TRAPPC8: variants seen among roughly 807,000 people sequenced by gnomAD.
TRAPPC8 encodes trafficking protein particle complex subunit 8.
TRAPPC8 carries 54 observed loss-of-function variants against 174.3 expected under a neutral mutation model. That is an observed-to-expected ratio of 0.31 (90% CI 0.25 to 0.39). The LOEUF is 0.39. TRAPPC8 is among the 10% of genes least tolerant of loss of function. The pLI is 1.00. For synonymous variants in TRAPPC8, 630 were observed against 579.9 expected (o/e 1.09, Z -1.24); for missense variants, 1,531 against 1,699.1 (o/e 0.90, Z 1.74).
chr18:31,880,995 A>G lies in TRAPPC8; in HGVS notation c.1729-6291T>C, dbSNP rs183138292. Among the ~76,000 whole-genome samples, 4 of 152,200 alleles carry G rather than the reference A, an allele frequency of 2.6e-5. No individual in the cohort carries two copies. In the East Asian group the frequency reaches 7.7e-4, roughly 29 times the overall value. On this transcript the variant is annotated intron_variant, in intron 12 of 28. Transcript: ENST00000283351. ...AACACTGATAAAAGAAAGTACAGACACAAACAAAAGAACAAAAAAAACCCA... is the reference window on the plus strand; with the variant it reads ...AACACTGATAAAAGAAAGTACAGACGCAAACAAAAGAACAAAAAAAACCCA...
intron 12 of TRAPPC8, among the ~76,000 whole-genome samples, chr18:31,882,972 C>G (rs566553277): frequency 3.4e-5 from 5 of 149,020 alleles, no homozygotes; most frequent in East Asian, 2.0e-4. Flanking sequence ...CACCTGTAAT[C>G]CCAGTACTTT....
chr18:31,840,537 T>C (rs1172438192), intron 26 of TRAPPC8, among the ~76,000 whole-genome samples: 1 of 152,232 alleles, frequency 6.6e-6, no homozygotes, highest in Admixed American at 6.5e-5. Flanking sequence ...AATTTTCTGA[T>C]AGCCGAGTTT....
intron 2 of TRAPPC8, among the ~76,000 whole-genome samples, chr18:31,929,357 C>G (rs2145616431): frequency 6.6e-6 from 1 of 152,062 alleles, no homozygotes; most frequent in South Asian, 2.1e-4. Context: ...GAGACCCTGT[C>G]TCTACAAAAA....
chr18:31,941,678 G>T lies in TRAPPC8; in HGVS notation c.157+930C>A, dbSNP rs1322675776. On this transcript the variant is annotated intron_variant, in intron 1 of 28. Transcript: ENST00000283351. ...GGTAGCGCAAAAATGGTACAGCACT[G>T]ATTTTTTTTGTGGATAAGTCATATT... is the stretch of plus-strand genomic sequence containing the variant. Among the ~76,000 whole-genome samples the T allele has an allele frequency of 9.2e-5, 14 of 152,234 alleles. No homozygotes were observed. In the East Asian group the frequency reaches 2.5e-3, roughly 27 times the overall value.
chr18:31,906,129 G>C (rs2036645266), intron 9 of TRAPPC8, among the ~76,000 whole-genome samples: 2 of 149,042 alleles, frequency 1.3e-5, no homozygotes, highest in Non-Finnish European at 3.0e-5. Flanking sequence ...AGGAATTCGA[G>C]ACCAGCCTGG....
chr18:31,941,808 G>A (rs752776953), intron 1 of TRAPPC8, among the ~76,000 whole-genome samples: 1 of 151,656 alleles, frequency 6.6e-6, no homozygotes, highest in South Asian at 2.1e-4. Flanking sequence ...TTTGTTGTTT[G>A]CAAGATATTG....
At chr18:31,880,090 A>AACATATAT (rs1259899654) in intron 12 of TRAPPC8, among the ~76,000 whole-genome samples, 1 of 85,380 alleles carries the variant, frequency 1.2e-5, no homozygotes, top group Non-Finnish European at 2.2e-5. Context: ...TGAAAAAAAA[A>AACATATAT]ATATATATAT....
Position 31,897,208 on chromosome 18 carries a change from C to T in TRAPPC8, c.1596+578G>A, listed in dbSNP as rs147051140. 2.3e-3 allele frequency among the ~76,000 whole-genome samples: 343 copies of T among 152,302 alleles called. 1 individual carries two copies. Among genetic ancestry groups the T allele is most frequent in the Middle Eastern group, 0.02 (6 of 294 alleles). On this transcript the variant is annotated intron_variant, in intron 11 of 28. Coordinates refer to ENST00000283351, the MANE Select transcript of TRAPPC8 (RefSeq NM_014939.5). ...ATAAAGGAATTACTACCATTCTTTA[C>T]AAGCCTGCAGTCAATGTAACTCAAT...
intron 10 of TRAPPC8, among the ~76,000 whole-genome samples, chr18:31,899,837 T>C (rs906043995): frequency 6.6e-6 from 1 of 151,952 alleles, no homozygotes; most frequent in Non-Finnish European, 1.5e-5. Context: ...TCCCACCTAC[T>C]TGGGAGGCCG....
chr18:31,880,114 T>C (rs1178499292), intron 12 of TRAPPC8, among the ~76,000 whole-genome samples: 1 of 84,056 alleles, frequency 1.2e-5, no homozygotes, highest in Non-Finnish European at 2.5e-5. Flanking sequence ...TATATATATA[T>C]ATATATATTT....
rs1195821283 is a variant in TRAPPC8, at chr18:31,890,829, G to A, written c.1634C>T (p.Ala545Val). 6.2e-7 allele frequency: 1 copy of A among 1,611,448 alleles called. No homozygotes were observed. ...TTTCATGTTTATAAAGCAATGTGCTGCCTGTTCCAAAAGAAGTGCACTTCG... is the reference window on the plus strand; with the variant it reads ...TTTCATGTTTATAAAGCAATGTGCTACCTGTTCCAAAAGAAGTGCACTTCG... ...DLRSALLLEQ[A>V]AHCFINMKSP... is the part of the protein sequence containing the mutation. The change falls in exon 12 of 29, where the codon GCA (alanine) becomes GTA (valine). Residue 545 changes from alanine to valine, a missense_variant. Transcript: ENST00000283351.
At chr18:31,925,155 A>G (rs2037558609) in intron 2 of TRAPPC8, among the ~76,000 whole-genome samples, 1 of 152,108 alleles carries the variant, frequency 6.6e-6, no homozygotes, top group Admixed American at 6.6e-5. Flanking sequence ...TCAATTTGAA[A>G]TAGAAAATAA....
intron 4 of TRAPPC8, 51 bp downstream of exon 4, chr18:31,916,221 A>C (rs753983813): frequency 1.5e-6 from 2 of 1,317,142 alleles, no homozygotes; most frequent in Non-Finnish European, 2.0e-6. Context: ...TCTCCAAATT[A>C]ATGTTAAATC....
intron 12 of TRAPPC8, among the ~76,000 whole-genome samples, chr18:31,876,826 G>A (rs1454131957): frequency 6.6e-6 from 1 of 152,204 alleles, no homozygotes; most frequent in Non-Finnish European, 1.5e-5. Context: ...AACAGTGGCA[G>A]TTTGAGAACG....
intron 9 of TRAPPC8, among the ~76,000 whole-genome samples, chr18:31,903,090 CCTG>C (rs1440739771): frequency 7.1e-6 from 1 of 141,438 alleles, no homozygotes; most frequent in Non-Finnish European, 1.5e-5. Flanking sequence ...TCTCCAGTGT[CCTG>C]CTTTTTGATT....
chr18:31,929,252 T>A (rs546699602), intron 2 of TRAPPC8, among the ~76,000 whole-genome samples: 1 of 151,254 alleles, frequency 6.6e-6, no homozygotes, highest in East Asian at 1.9e-4. Flanking sequence ...AAACAGAGTC[T>A]CAGAAACACT....
At chr18:31,860,015 C>CAA (rs34008216) in intron 19 of TRAPPC8, among the ~76,000 whole-genome samples, 153 of 138,042 alleles carry the variant, frequency 1.1e-3, no homozygotes, top group African/African-American at 2.8e-3. Flanking sequence ...GACTCCGTCT[C>CAA]AAAAAAAAAA....
rs977741968 is a variant in TRAPPC8 at position 31,852,330 on chromosome 18, T to G, written c.3561+116A>C. The G allele has an allele frequency of 2.6e-6, 3 of 1,138,536 alleles. No individual in the cohort carries two copies. The Admixed American group carries it at 6.5e-5, about 25-fold the overall frequency. 70.5% of individuals were successfully genotyped at this position (1,138,536 alleles called of 1,614,324 possible). On this transcript the variant is annotated intron_variant, in intron 24 of 28. Transcript: ENST00000283351. ...TACTCCTGGGAGACAGAGCAAGACC[T>G]TGTCTCCCCCCCAAAAAAAAGCGTT...
chr18:31,882,062 A>C (rs1411230591), intron 12 of TRAPPC8, among the ~76,000 whole-genome samples: 1 of 152,226 alleles, frequency 6.6e-6, no homozygotes, highest in Non-Finnish European at 1.5e-5. Context: ...TCCAACAGAT[A>C]AAAGAGAACT....
Sources: allele counts gnomAD v4.1 joint callset (sites outside exome capture counted in the v4.1 genomes callset), GRCh38; gene constraint gnomAD v4.1.1; transcripts MANE v1.5; gene names NCBI Gene and HGNC (gene_info 2026-07-23, HGNC 2026-07-21).